Variants in DMD observed in about 807,000 individuals in gnomAD.
DMD encodes the protein mutant dystrophin.
A neutral mutation model predicts 330.1 loss-of-function variants in DMD; 63 were observed. The ratio of observed to expected loss-of-function variants is 0.19; its 90% CI spans 0.16 to 0.24. The LOEUF (loss-of-function observed/expected upper bound fraction) is 0.24, where lower values mean the gene tolerates loss of function less well. DMD is among the 10% of genes least tolerant of loss of function. The pLI is 1.00. For missense variants in DMD, 3,344 were observed against 2,684.1 expected (o/e 1.25, Z -5.43); for synonymous variants, 1,223 against 959.8 (o/e 1.27, Z -5.07).
rs778033667 is a variant in DMD, at chrX:32,584,585, G to A, written c.1603-10739C>T. ...TTCATACAAAGTAATTCTATCCAGC[G>A]ATGAAAATTAATAAAGTAATGCTAT... On this transcript the variant is annotated intron_variant, in intron 13 of 78. Coordinates refer to ENST00000357033, the MANE Select transcript of DMD (RefSeq NM_004006.3). Among the ~76,000 whole-genome samples the A allele has an allele frequency of 9.8e-5, 11 of 111,928 alleles. No homozygotes were observed. The South Asian group carries it at 2.2e-3, about 22-fold the overall frequency.
intron 7 of DMD, among the ~76,000 whole-genome samples, chrX:32,701,258 T>C (rs1289634629): frequency 8.9e-6 from 1 of 112,175 alleles, no homozygotes; most frequent in Non-Finnish European, 1.9e-5. Context: ...TTTATTGTTT[T>C]ATTCATTTAT....
intron 9 of DMD, among the ~76,000 whole-genome samples, chrX:32,647,477 A>AT (rs906101603): frequency 9.9e-5 from 11 of 111,149 alleles, no homozygotes; most frequent in Non-Finnish European, 1.5e-4. Context: ...CAAGAAGGCA[A>AT]TTTTTTCAAG....
intron 1 of DMD, among the ~76,000 whole-genome samples, chrX:33,252,280 A>G (rs2052783640): frequency 9.0e-6 from 1 of 111,646 alleles, no homozygotes; most frequent in Non-Finnish European, 1.9e-5. Context: ...GGCAGCTACC[A>G]GAGAGAGATA....
At chrX:32,873,704 C>A in intron 2 of DMD, among the ~76,000 whole-genome samples, 1 of 112,023 alleles carries the variant, frequency 8.9e-6, no homozygotes. Flanking sequence ...ATTGTAAAAG[C>A]TAAGAATAGT....
At chrX:32,981,690 A>G (rs1006051030) in intron 2 of DMD, among the ~76,000 whole-genome samples, 1 of 111,525 alleles carries the variant, frequency 9.0e-6, no homozygotes, top group Non-Finnish European at 1.9e-5. Flanking sequence ...GAAATACCAT[A>G]CTATTTACTA....
chrX:31,662,941 T>C (rs1369069348), intron 53 of DMD, among the ~76,000 whole-genome samples: 2 of 111,500 alleles, frequency 1.8e-5, no homozygotes, highest in African/African-American at 6.5e-5. Context: ...CATGGAAAAA[T>C]TTAACTCTGT....
At chrX:31,370,063 C>T (rs1397781291) in intron 60 of DMD, among the ~76,000 whole-genome samples, 2 of 94,906 alleles carry the variant, frequency 2.1e-5, no homozygotes, top group African/African-American at 8.1e-5. Flanking sequence ...CGGGCCACTG[C>T]ACTCCAAGCT....
At chrX:31,543,847 G>A (rs962959602) in intron 55 of DMD, among the ~76,000 whole-genome samples, 1 of 111,005 alleles carries the variant, frequency 9.0e-6, no homozygotes, top group Non-Finnish European at 1.9e-5. Flanking sequence ...TGGTGAACTC[G>A]CCAAAGTAAA....
intron 1 of DMD, among the ~76,000 whole-genome samples, chrX:33,154,226 G>A (rs754014516): frequency 9.0e-6 from 1 of 110,895 alleles, no homozygotes; most frequent in Non-Finnish European, 1.9e-5. Flanking sequence ...GTGAAACCCT[G>A]TCTCTACTAA....
At chrX:31,515,615 T>C (rs182161681) in intron 55 of DMD, among the ~76,000 whole-genome samples, 55 of 111,836 alleles carry the variant, frequency 4.9e-4, no homozygotes, top group African/African-American at 1.8e-3. Flanking sequence ...AAAGAAATTA[T>C]CCTAAGTGGC....
At chrX:32,343,449 T>G (rs1380103505) in intron 39 of DMD, among the ~76,000 whole-genome samples, 163 bp from the exon 40 acceptor site, 1 of 112,234 alleles carries the variant, frequency 8.9e-6, no homozygotes, top group African/African-American at 3.2e-5. Flanking sequence ...AAATTGCCTA[T>G]GCATGAGGCG....
intron 16 of DMD, among the ~76,000 whole-genome samples, chrX:32,546,758 T>C (rs1309964764): frequency 1.8e-5 from 2 of 108,212 alleles, no homozygotes; most frequent in African/African-American, 6.6e-5. Flanking sequence ...AGATTCATTA[T>C]TTAGAATGAA....
chrX:33,062,195 C>T (rs993370390), intron 1 of DMD, among the ~76,000 whole-genome samples: 1 of 111,805 alleles, frequency 8.9e-6, no homozygotes, highest in Non-Finnish European at 1.9e-5. Flanking sequence ...AGAATCCTTC[C>T]TTTCATAAGG....
At position 33,168,996 on chromosome X, in the gene DMD, G is replaced by GTT. The variant is rs34169571; in HGVS notation, c.31+42284_31+42285dup. On this transcript the variant is annotated intron_variant, in intron 1 of 78. Transcript: ENST00000357033. Reference sequence around the variant, plus strand: ...TTCCTGTCAACTCTCTAGAAGATAGGTTTTTTTTTTTGCCTCTATTGATTC... The same window carrying GTT: ...TTCCTGTCAACTCTCTAGAAGATAGGTTTTTTTTTTTTTGCCTCTATTGATTC... Among the ~76,000 whole-genome samples the GTT allele has an allele frequency of 2.9e-3, 294 of 102,119 alleles. 1 individual carries two copies. Among genetic ancestry groups the GTT allele is most frequent in the South Asian group, 0.024 (57 of 2,335 alleles). 88.7% of individuals were successfully genotyped at this position (102,119 alleles called of 115,157 possible). A position where few individuals can be genotyped will look rare whatever the true frequency, so the allele number is the denominator to read the frequency against.
intron 44 of DMD, among the ~76,000 whole-genome samples, chrX:32,184,403 A>C (rs1191291813): frequency 9.0e-6 from 1 of 111,256 alleles, no homozygotes; most frequent in African/African-American, 3.3e-5. Context: ...AGGCTTCAGC[A>C]TCAATTCTAT....
At chrX:31,463,026 T>C (rs989513642) in intron 59 of DMD, among the ~76,000 whole-genome samples, 1 of 112,203 alleles carries the variant, frequency 8.9e-6, no homozygotes, top group African/African-American at 3.2e-5. Context: ...AGCATCTTCA[T>C]ATTAAAACAT....
intron 55 of DMD, among the ~76,000 whole-genome samples, chrX:31,529,067 C>T (rs2073475971): frequency 1.8e-5 from 2 of 111,366 alleles, no homozygotes; most frequent in African/African-American, 3.3e-5. Flanking sequence ...ACTAAAAATA[C>T]AAAAATTAGC....
rs183105514 is a variant in DMD, at chrX:31,286,629, C to A, written c.9225-25613G>T. Among the ~76,000 whole-genome samples the A allele has an allele frequency of 1.7e-3, 187 of 112,698 alleles. 1 individual carries two copies. Among genetic ancestry groups the A allele is most frequent in the African/African-American group, 5.4e-3 (167 of 31,084 alleles). ...GTTAGAAATGCAGAACATCATGTCT[C>A]ATTTTAGACCCACTGGCTCATAATC... On this transcript the variant is annotated intron_variant, in intron 62 of 78. Transcript: ENST00000357033.
At chrX:32,484,788 T>A (rs1247156913) in intron 21 of DMD, 131 bp downstream of exon 21, 19 of 690,567 alleles carry the variant, frequency 2.8e-5, no homozygotes. Flanking sequence ...TTTCGTTCCT[T>A]GTTAATACAG....
Sources: allele counts gnomAD v4.1 joint callset (sites outside exome capture counted in the v4.1 genomes callset), GRCh38; gene constraint gnomAD v4.1.1; transcripts MANE v1.5; gene names NCBI Gene and HGNC (gene_info 2026-07-23, HGNC 2026-07-21).